CAMKMT: variants seen among roughly 807,000 people sequenced by gnomAD.
CAMKMT encodes the protein CaM KMT.
In CAMKMT, 53 loss-of-function variants were observed where a neutral mutation model predicts 48.0. That is an observed-to-expected ratio of 1.10 (90% CI 0.89 to 1.39). The LOEUF (loss-of-function observed/expected upper bound fraction) is 1.39, where lower values mean the gene tolerates loss of function less well. CAMKMT is among the 40% of genes most tolerant of loss of function. The pLI is 0.00. For synonymous variants in CAMKMT, 165 were observed against 152.3 expected (o/e 1.08, Z -0.61); for missense variants, 428 against 402.7 (o/e 1.06, Z -0.54).
chr2:44,573,883 A>C (rs940475840), intron 3 of CAMKMT, among the ~76,000 whole-genome samples: 1 of 152,076 alleles, frequency 6.6e-6, no homozygotes, highest in South Asian at 2.1e-4. Context: ...AAGTATGTCT[A>C]TTTCTGAATA....
intron 3 of CAMKMT, among the ~76,000 whole-genome samples, chr2:44,479,395 G>A (rs1299872099): frequency 6.6e-6 from 1 of 152,146 alleles, no homozygotes; most frequent in East Asian, 1.9e-4. Flanking sequence ...CAGAGTTCAC[G>A]GTTGTGGGTT....
chr2:44,731,989 T>C (rs1679100480), intron 7 of CAMKMT, among the ~76,000 whole-genome samples: 1 of 152,256 alleles, frequency 6.6e-6, no homozygotes, highest in Non-Finnish European at 1.5e-5. Context: ...TCGTACTTTG[T>C]CATCCAGGCT....
At position 44,717,687 on chromosome 2, in the gene CAMKMT, A is replaced by G. The variant is rs141701884; in HGVS notation, c.623+2334A>G. On this transcript the variant is annotated intron_variant, in intron 7 of 10. Transcript: ENST00000378494. ...TATTTACCATAGCTATAAAGCCCAC[A>G]TGTGAGCCAAATATTTCTGCTATTA... Among the ~76,000 whole-genome samples, 28 of 152,298 alleles carry G rather than the reference A, an allele frequency of 1.8e-4. No homozygotes were observed. In the East Asian group the frequency reaches 5.0e-3, roughly 27 times the overall value.
chr2:44,506,246 A>C (rs966057871), intron 3 of CAMKMT, among the ~76,000 whole-genome samples: 2 of 152,172 alleles, frequency 1.3e-5, no homozygotes, highest in Non-Finnish European at 2.9e-5. Flanking sequence ...TATAAAAGTG[A>C]GAAAATGAAA....
At chr2:44,718,638 G>C (rs1678296596) in intron 7 of CAMKMT, among the ~76,000 whole-genome samples, 1 of 152,184 alleles carries the variant, frequency 6.6e-6, no homozygotes, top group Admixed American at 6.5e-5. Flanking sequence ...TGGAGCTTTT[G>C]ACGTCTACGT....
intron 3 of CAMKMT, among the ~76,000 whole-genome samples, chr2:44,659,081 T>TTG (rs1245113989): frequency 2.9e-5 from 4 of 140,142 alleles, no homozygotes; most frequent in Non-Finnish European, 6.0e-5. Flanking sequence ...TGTAGTTTTT[T>TTG]TTTTTTTTTT....
chr2:44,576,887 A>C (rs1669254573), intron 3 of CAMKMT, among the ~76,000 whole-genome samples: 1 of 152,218 alleles, frequency 6.6e-6, no homozygotes, highest in African/African-American at 2.4e-5. Context: ...AAAATACTGC[A>C]AGGAATGTTC....
chr2:44,746,652 A>T (rs343949), intron 8 of CAMKMT, among the ~76,000 whole-genome samples: 30,730 of 152,204 alleles, frequency 0.2, 3,475 homozygotes, highest in African/African-American at 0.3. Flanking sequence ...GAAGGAAAAA[A>T]TGAGGTGCAG....
At chr2:44,658,080 T>C (rs553426281) in intron 3 of CAMKMT, among the ~76,000 whole-genome samples, 1 of 152,348 alleles carries the variant, frequency 6.6e-6, no homozygotes. Flanking sequence ...CAGAAAATCA[T>C]GTCAATTGAC....
chr2:44,536,594 C>G (rs1434849222), intron 3 of CAMKMT, among the ~76,000 whole-genome samples: 1 of 151,958 alleles, frequency 6.6e-6, no homozygotes, highest in African/African-American at 2.4e-5. Context: ...TCCCAAAGTG[C>G]TAGGATTACA....
At position 44,390,646 on chromosome 2, in the gene CAMKMT, C is replaced by CAGT. The variant is rs201098592; in HGVS notation, c.376+345_376+347dup. On this transcript the variant is annotated intron_variant, in intron 3 of 10. Transcript: ENST00000378494. ...GTTTCCATTTTGACCTCAGTTAATT[C>CAGT]AGTAGTGGGGCTGTTTCTTCCTTCT... 2.1e-3 allele frequency among the ~76,000 whole-genome samples: 325 copies of CAGT among 152,068 alleles called. 7 individuals carry two copies. Among genetic ancestry groups the CAGT allele is most frequent in the Admixed American group, 0.019 (297 of 15,276 alleles).
At chr2:44,506,748 T>C (rs1670281617) in intron 3 of CAMKMT, among the ~76,000 whole-genome samples, 1 of 152,182 alleles carries the variant, frequency 6.6e-6, no homozygotes, top group Admixed American at 6.5e-5. Context: ...ATTTCTGTAA[T>C]AAGTGTGCTT....
At chr2:44,683,296 A>T (rs1573067596) in intron 3 of CAMKMT, among the ~76,000 whole-genome samples, 1 of 152,200 alleles carries the variant, frequency 6.6e-6, no homozygotes, top group South Asian at 2.1e-4. Context: ...TCAAACACTG[A>T]TATCCACCTG....
At chr2:44,374,864 T>C (rs1455597519) in intron 2 of CAMKMT, among the ~76,000 whole-genome samples, 1 of 152,112 alleles carries the variant, frequency 6.6e-6, no homozygotes, top group African/African-American at 2.4e-5. Context: ...TCTGTCCACA[T>C]TAGTGCAAAA....
chr2:44,435,424 T>C (rs891527538), intron 3 of CAMKMT, among the ~76,000 whole-genome samples: 4 of 152,142 alleles, frequency 2.6e-5, no homozygotes, highest in African/African-American at 9.7e-5. Flanking sequence ...TCCAGAAGAA[T>C]AGAAAGGCAC....
chr2:44,724,750 G>C (rs545099621), intron 7 of CAMKMT, among the ~76,000 whole-genome samples: 1 of 152,246 alleles, frequency 6.6e-6, no homozygotes, highest in South Asian at 2.1e-4. Context: ...AAGTTGTATA[G>C]ATAAGAAAGT....
intron 3 of CAMKMT, among the ~76,000 whole-genome samples, chr2:44,647,907 C>CAAAAAAAA (rs756753917): frequency 1.8e-3 from 53 of 29,462 alleles, no homozygotes; most frequent in East Asian, 3.4e-3. Context: ...GACTCCGTCT[C>CAAAAAAAA]AAAAAAAAAA....
At chr2:44,584,446 A>G (rs1392586815) in intron 3 of CAMKMT, among the ~76,000 whole-genome samples, 1 of 152,230 alleles carries the variant, frequency 6.6e-6, no homozygotes, top group African/African-American at 2.4e-5. Flanking sequence ...CTATAAAGAC[A>G]TGTCCCACCT....
chr2:44,673,519 AAGGAGGGAAGG>A (rs1371428276), intron 3 of CAMKMT, among the ~76,000 whole-genome samples: 1 of 86,426 alleles, frequency 1.2e-5, no homozygotes, highest in Non-Finnish European at 2.4e-5. Flanking sequence ...GGAAGGAAGG[AAGGAGGGAAGG>A]AAGAAATCTA....
Sources: gnomAD v4.1 joint callset for allele counts (sites outside exome capture counted in the v4.1 genomes callset) on GRCh38, gnomAD v4.1.1 for gene constraint, MANE v1.5 for transcripts, NCBI Gene and HGNC (gene_info 2026-07-23, HGNC 2026-07-21) for gene names.